SLAMF1: variants seen among roughly 807,000 people sequenced by gnomAD.
SLAMF1 encodes the protein signaling lymphocytic activation molecule.
SLAMF1 carries 18 observed loss-of-function variants against 35.1 expected under a neutral mutation model. That is an observed-to-expected ratio of 0.51 (90% CI 0.35 to 0.76). The LOEUF is 0.76. Ranked by LOEUF, SLAMF1 falls within the 30% of genes least tolerant of loss-of-function variation. SLAMF1 has a pLI of 0.01. For synonymous variants in SLAMF1, 168 were observed against 157.2 expected (o/e 1.07, Z -0.51); for missense variants, 392 against 413.0 (o/e 0.95, Z 0.44).
chr1:160,634,514 T>A (rs1660323253), intron 3 of SLAMF1, 99 bp downstream of exon 3: 1 of 1,433,368 alleles, frequency 7.0e-7, no homozygotes, highest in Non-Finnish European at 9.4e-7. Context: ...TAAAGTATTG[T>A]TACTAAGGTG....
At chr1:160,621,658 G>T (rs1659615651) in intron 4 of SLAMF1, among the ~76,000 whole-genome samples, 1 of 152,098 alleles carries the variant, frequency 6.6e-6, no homozygotes, top group South Asian at 2.1e-4. Flanking sequence ...TGTGTATGTG[G>T]TGAGCATGGT....
Position 160,634,743 on chromosome 1 carries a change from G to C in SLAMF1, c.570C>G (p.Ser190Arg). ...CGAGGGTGAGGGACAGGAGGTGGGAGCTGTTGGCTGGGTTCAGTGGGTGGG... is the reference window on the plus strand; with the variant it reads ...CGAGGGTGAGGGACAGGAGGTGGGACCTGTTGGCTGGGTTCAGTGGGTGGG... ...AGTHPLNPAN[S>R]SHLLSLTLGP... Residue 190 changes from serine (S) to arginine (R), a missense_variant, in exon 3 of 7, where the codon AGC becomes AGG. Transcript: ENST00000302035. 1.2e-6 allele frequency: 2 copies of C among 1,614,222 alleles called. No individual in the cohort carries two copies. Among genetic ancestry groups the C allele is most frequent in the Non-Finnish European group, 1.7e-6 (2 of 1,180,044 alleles).
At chr1:160,629,172 C>G (rs540081479) in intron 3 of SLAMF1, among the ~76,000 whole-genome samples, 33 of 152,258 alleles carry the variant, frequency 2.2e-4, no homozygotes, top group Admixed American at 5.2e-4. Context: ...AGTCTCCACC[C>G]TGGGCCCTCT....
chr1:160,641,446 A>C (rs1054922716), intron 1 of SLAMF1, among the ~76,000 whole-genome samples: 2 of 152,038 alleles, frequency 1.3e-5, no homozygotes, highest in Non-Finnish European at 2.9e-5. Context: ...GATATAAGAG[A>C]GGTAGGGAAT....
intron 1 of SLAMF1, among the ~76,000 whole-genome samples, chr1:160,639,687 G>A (rs35521511): frequency 0.16 from 24,638 of 152,060 alleles, 2,078 homozygotes; most frequent in African/African-American, 0.21. Flanking sequence ...TACAATAGAT[G>A]GAATCATCTT....
intron 1 of SLAMF1, among the ~76,000 whole-genome samples, chr1:160,637,948 A>G (rs1660543517): frequency 1.3e-5 from 2 of 152,112 alleles, no homozygotes. Context: ...GAGCAAATAA[A>G]AGTGATTCTG....
chr1:160,634,777 T>A lies in SLAMF1; in HGVS notation c.536A>T (p.Lys179Met), dbSNP rs1660344190. The A allele has an allele frequency of 6.2e-7, 1 of 1,613,940 alleles. No homozygotes were observed. The highest frequency in any genetic ancestry group is 8.5e-7 in the Non-Finnish European group (1 of 1,179,992). Residue 179 changes from lysine (K) to methionine (M), a missense_variant, in exon 3 of 7, where the codon AAG becomes ATG. Physicochemically the swap from Lys to Met is moderately conservative, Grantham distance 95. Coordinates refer to ENST00000302035, the MANE Select transcript of SLAMF1 (RefSeq NM_003037.5). The part of the protein sequence containing the change: ...GDHVAYSWSE[K>M]AGTHPLNPAN... ...TGGGTTCAGTGGGTGGGTGCCCGCC[T>A]TTTCACTCCAGCTGTAAGCCACATG...
chr1:160,625,378 G>C (rs1035396388), intron 3 of SLAMF1, among the ~76,000 whole-genome samples: 2 of 152,068 alleles, frequency 1.3e-5, no homozygotes. Flanking sequence ...AAAAATAGTC[G>C]GGTTCCAAAG....
intron 5 of SLAMF1, among the ~76,000 whole-genome samples, chr1:160,616,650 T>C (rs1390398097): frequency 1.3e-5 from 2 of 152,190 alleles, no homozygotes; most frequent in Non-Finnish European, 1.5e-5. Flanking sequence ...GAAAAGCATA[T>C]ACTAGTCCAT....
chr1:160,610,907 C>A, intron 6 of SLAMF1, 109 bp from the exon 7 acceptor site: 1 of 881,546 alleles, frequency 1.1e-6, no homozygotes, highest in South Asian at 1.4e-5. Flanking sequence ...GAGATCATGG[C>A]TTGTGCAGGG....
At chr1:160,617,857 G>A (rs1020735594) in intron 5 of SLAMF1, among the ~76,000 whole-genome samples, 5 of 152,188 alleles carry the variant, frequency 3.3e-5, no homozygotes, top group African/African-American at 1.2e-4. Flanking sequence ...CAGATCACTT[G>A]AGGTTAGTAG....
At chr1:160,618,423 TA>T (rs1051754013) in intron 5 of SLAMF1, among the ~76,000 whole-genome samples, 37 of 151,802 alleles carry the variant, frequency 2.4e-4, no homozygotes, top group African/African-American at 9.0e-4. Context: ...TGTGTGTGTG[TA>T]AAATGGAGGA....
Position 160,646,977 on chromosome 1 carries a change from C to T in SLAMF1, c.-32G>A, listed in dbSNP as rs756687660. ...ATGAGGAGAAGGAAGGGATCCTGGC[C>T]GGAGCCTGGCAGCTGCTCACAGATG... is the stretch of plus-strand genomic sequence containing the variant. On this transcript the variant is annotated 5_prime_UTR_variant, in exon 1 of 7. Coordinates refer to ENST00000302035, the MANE Select transcript of SLAMF1 (RefSeq NM_003037.5). 1.1e-5 allele frequency: 14 copies of T among 1,232,126 alleles called. No individual in the cohort carries two copies. Among genetic ancestry groups the T allele is most frequent in the African/African-American group, 4.4e-5 (3 of 68,286 alleles). The allele number at this position is 1,232,126 out of a possible 1,614,324, so 76.3% of individuals were successfully genotyped here.
chr1:160,612,519 G>A lies in SLAMF1; in HGVS notation c.926C>T (p.Ala309Val), dbSNP rs771380583. Residue 309 changes from alanine (A) to valine (V), a missense_variant, in exon 6 of 7, where the codon GCT becomes GTT. Physicochemically the swap from Ala to Val is moderately conservative, Grantham distance 64. Coordinates refer to ENST00000302035, the MANE Select transcript of SLAMF1 (RefSeq NM_003037.5). ...AQDPCTTIYV[A>V]ATEPVPESVQ... is the part of the protein sequence containing the mutation. Reference sequence around the variant, plus strand: ...AGACTCTGGGACAGGCTCTGTGGCAGCAACATATATGGTGGTGCAAGGGTC... The same window carrying A: ...AGACTCTGGGACAGGCTCTGTGGCAACAACATATATGGTGGTGCAAGGGTC... 25 of 1,612,592 alleles carry A rather than the reference G, an allele frequency of 1.6e-5. 1 individual carries two copies. In the Admixed American group the frequency reaches 3.7e-4, roughly 24 times the overall value.
chr1:160,637,647 G>A, intron 1 of SLAMF1, 118 bp from the exon 2 acceptor site: 2 of 701,932 alleles, frequency 2.8e-6, no homozygotes, highest in Non-Finnish European at 4.7e-6. Context: ...TATCCCTGGG[G>A]TTGCCAAGTC....
intron 3 of SLAMF1, 34 bp downstream of exon 3, chr1:160,634,579 A>C (rs1660328568): frequency 6.4e-7 from 1 of 1,558,626 alleles, no homozygotes; most frequent in African/African-American, 1.4e-5. Flanking sequence ...CATGCTCATT[A>C]AGGTGGCACA....
intron 1 of SLAMF1, among the ~76,000 whole-genome samples, chr1:160,643,180 C>T (rs763313057): frequency 3.3e-5 from 5 of 152,146 alleles, no homozygotes; most frequent in Admixed American, 1.3e-4. Context: ...GCTATCCCCC[C>T]TCCCCGTCTT....
rs1192916219 is a variant in SLAMF1, at chr1:160,642,054, C to A, written c.77-4525G>T. Among the ~76,000 whole-genome samples, 1 of 152,070 alleles carries A rather than the reference C, an allele frequency of 6.6e-6. No individual in the cohort carries two copies. Among genetic ancestry groups the A allele is most frequent in the Admixed American group, 6.5e-5 (1 of 15,272 alleles). On this transcript the variant is annotated intron_variant, in intron 1 of 6. Transcript: ENST00000302035. This position sits in a 1 kb window ranked among gnomAD's most constrained non-coding sequence, Gnocchi z 4.2. Reference sequence around the variant, plus strand: ...TTGTATTATATTTTTTTGCCTAGCCCTGACACTTTCATATGTGCTTTTAGC... The same window carrying A: ...TTGTATTATATTTTTTTGCCTAGCCATGACACTTTCATATGTGCTTTTAGC...
intron 1 of SLAMF1, among the ~76,000 whole-genome samples, chr1:160,646,622 C>T (rs1223924956): frequency 6.6e-6 from 1 of 152,158 alleles, no homozygotes; most frequent in Admixed American, 6.5e-5. Context: ...GTGACTGGAG[C>T]CTTTGGCTTA....
Sources: gnomAD v4.1 joint callset for allele counts (sites outside exome capture counted in the v4.1 genomes callset) on GRCh38, gnomAD v4.1.1 for gene constraint, Gnocchi (gnomAD v3.1) non-coding constraint, MANE v1.5 for transcripts, NCBI Gene and HGNC (gene_info 2026-07-23, HGNC 2026-07-21) for gene names.